The following UBE2E3 variants were observed in gnomAD, a reference collection of about 807,000 sequenced individuals.
UBE2E3 encodes ubiquitin-conjugating enzyme E2 E3.
UBE2E3 carries 5 observed loss-of-function variants against 23.6 expected under a neutral mutation model. The observed-to-expected ratio is 0.21, with a 90% CI of 0.11 to 0.44. UBE2E3 has a LOEUF of 0.44. Ranked by LOEUF, UBE2E3 falls within the 20% of genes least tolerant of loss-of-function variation. The probability of loss-of-function intolerance (pLI) is 0.99; values close to 1 mark genes in which losing one functional copy is unlikely to be tolerated. For missense variants in UBE2E3, 81 were observed against 249.8 expected (o/e 0.32, Z 4.55); for synonymous variants, 78 against 87.5 (o/e 0.89, Z 0.60).
chr2:180,987,767 T>A (rs1270923573), intron 3 of UBE2E3, among the ~76,000 whole-genome samples: 1 of 152,112 alleles, frequency 6.6e-6, no homozygotes. Context: ...CTTCTGAGGG[T>A]TGCTACCACT....
chr2:181,033,748 A>G (rs1472455034), intron 3 of UBE2E3, among the ~76,000 whole-genome samples: 1 of 152,198 alleles, frequency 6.6e-6, no homozygotes, highest in East Asian at 1.9e-4. Context: ...CAGGCAACCT[A>G]CAGAATGGGA....
chr2:181,017,961 T>G (rs1269627971), intron 3 of UBE2E3, among the ~76,000 whole-genome samples: 1 of 151,620 alleles, frequency 6.6e-6, no homozygotes, highest in Non-Finnish European at 1.5e-5. Flanking sequence ...GTGACTCTCT[T>G]TTTTCTGTAT....
Position 181,060,811 on chromosome 2 carries a change from T to C in UBE2E3, c.525T>C (p.Pro175=). The C allele has an allele frequency of 6.5e-7, 1 of 1,547,436 alleles. No homozygotes were observed. Among genetic ancestry groups the C allele is most frequent in the Non-Finnish European group, 8.7e-7 (1 of 1,143,870 alleles). ...SICSLLTDCN[P]ADPLVGSIAT... ...GTTCCCTTTTGACAGACTGCAACCC[T>C]GGTAAGCAAATCTTTATTAACATGT... Residue 175 remains proline (P), a splice_region_variant and synonymous_variant, in exon 5 of 6, where the codon CCT becomes CCC. Transcript: ENST00000410062.
intron 4 of UBE2E3, among the ~76,000 whole-genome samples, chr2:181,058,728 A>G (rs202130074): frequency 5.1e-5 from 3 of 58,378 alleles, no homozygotes; most frequent in African/African-American, 1.4e-4. Context: ...GCCTGTGTGT[A>G]TATGTATATG....
chr2:181,023,573 T>G (rs1685775543), intron 3 of UBE2E3, among the ~76,000 whole-genome samples: 1 of 152,176 alleles, frequency 6.6e-6, no homozygotes, highest in African/African-American at 2.4e-5. Flanking sequence ...TTACTTTCTT[T>G]AACACAGCCG....
chr2:180,985,383 A>G (rs1684427213), intron 3 of UBE2E3, among the ~76,000 whole-genome samples: 1 of 152,180 alleles, frequency 6.6e-6, no homozygotes, highest in South Asian at 2.1e-4. Flanking sequence ...ATTGGATTTT[A>G]AAAACTTAGT....
chr2:180,995,676 C>T (rs577292777), intron 3 of UBE2E3, among the ~76,000 whole-genome samples: 1 of 150,056 alleles, frequency 6.7e-6, no homozygotes, highest in East Asian at 1.9e-4. Flanking sequence ...TATCTTTCTT[C>T]ATCCTTAGTG....
At chr2:181,053,038 TTCCAGGAATAA>T (rs1336334546) in intron 3 of UBE2E3, among the ~76,000 whole-genome samples, 9 of 151,816 alleles carry the variant, frequency 5.9e-5, no homozygotes, top group Admixed American at 5.9e-4. Flanking sequence ...CCCTTTAAGT[TTCCAGGAATAA>T]TCTTTTTCTT....
intron 3 of UBE2E3, among the ~76,000 whole-genome samples, chr2:181,002,241 C>G (rs1320529380): frequency 6.6e-6 from 1 of 152,118 alleles, no homozygotes; most frequent in Admixed American, 6.6e-5. Flanking sequence ...CATAAGAGTA[C>G]TAGTACACAA....
chr2:180,987,248 G>GAAATA, intron 3 of UBE2E3: 1 of 1,381,834 alleles, frequency 7.2e-7, no homozygotes. Flanking sequence ...TGTGTTATGG[G>GAAATA]CATTTCCCTA....
chr2:180,999,885 A>G (rs1425658494), intron 3 of UBE2E3, among the ~76,000 whole-genome samples: 1 of 151,512 alleles, frequency 6.6e-6, no homozygotes, highest in South Asian at 2.1e-4. Flanking sequence ...ATATAATGAT[A>G]TAAAAAGCAG....
In UBE2E3 at chr2:181,021,365, TTTG is replaced by T. The variant is rs1352590208; in HGVS notation, c.246-36325_246-36323del. On this transcript the variant is annotated intron_variant, in intron 3 of 5. Coordinates refer to ENST00000410062, the MANE Select transcript of UBE2E3 (RefSeq NM_006357.4). ...GTTTCTTCTTTTCTCTTCTTTTTTT[TTTG>T]TTTTCTTTTCTTTTTTTCCTCTTTT... 1.7e-4 allele frequency among the ~76,000 whole-genome samples: 24 copies of T among 140,432 alleles called. 2 individuals carry two copies. In the East Asian group the frequency reaches 3.7e-3, roughly 21 times the overall value. The allele number at this position is 140,432 out of a possible 152,430, so 92.1% of individuals were successfully genotyped here.
At chr2:181,022,358 A>C (rs1685731282) in intron 3 of UBE2E3, among the ~76,000 whole-genome samples, 1 of 152,110 alleles carries the variant, frequency 6.6e-6, no homozygotes, top group South Asian at 2.1e-4. Context: ...ATGTTCCATA[A>C]AGTTGTCAAA....
chr2:181,012,638 A>G (rs1367056803), intron 3 of UBE2E3, among the ~76,000 whole-genome samples: 1 of 152,220 alleles, frequency 6.6e-6, no homozygotes, highest in Non-Finnish European at 1.5e-5. Flanking sequence ...TGTCTGACTG[A>G]GTAAAATGAG....
intron 3 of UBE2E3, among the ~76,000 whole-genome samples, chr2:181,027,879 A>G (rs1685948506): frequency 6.6e-6 from 1 of 152,030 alleles, no homozygotes; most frequent in Admixed American, 6.6e-5. Context: ...CATGTACTGC[A>G]TAATGCATAG....
intron 3 of UBE2E3, among the ~76,000 whole-genome samples, chr2:181,007,324 T>G (rs867449230): frequency 6.6e-6 from 1 of 152,182 alleles, no homozygotes; most frequent in Non-Finnish European, 1.5e-5. Context: ...TAGTATGGCC[T>G]GGGGAGAAAG....
intron 2 of UBE2E3, among the ~76,000 whole-genome samples, chr2:180,982,623 TC>T (rs1254474177): frequency 1.3e-5 from 2 of 152,174 alleles, no homozygotes; most frequent in African/African-American, 4.8e-5. Context: ...TAGCAGTGCC[TC>T]TCTTCATGAA....
intron 3 of UBE2E3, among the ~76,000 whole-genome samples, chr2:180,994,205 A>G (rs1047421940): frequency 6.6e-6 from 1 of 152,164 alleles, no homozygotes; most frequent in African/African-American, 2.4e-5. Flanking sequence ...TCTTCTTTTG[A>G]AAACCCTAAA....
At chr2:181,029,880 A>G (rs2105643836) in intron 3 of UBE2E3, among the ~76,000 whole-genome samples, 1 of 140,744 alleles carries the variant, frequency 7.1e-6, no homozygotes, top group East Asian at 2.1e-4. Context: ...CTCTGTCGCC[A>G]GGTGGGGGTG....
Sources: allele counts gnomAD v4.1 joint callset (sites outside exome capture counted in the v4.1 genomes callset), GRCh38; gene constraint gnomAD v4.1.1; transcripts MANE v1.5; gene names NCBI Gene and HGNC (gene_info 2026-07-23, HGNC 2026-07-21).